Variants in CA8 observed in about 807,000 individuals in gnomAD.
The protein encoded by CA8 is carbonic anhydrase 8 (inactive).
Under a neutral mutation model 41.4 loss-of-function variants are expected in CA8, and 22 were observed. The observed-to-expected ratio is 0.53, with a 90% confidence interval of 0.38 to 0.76. The LOEUF (loss-of-function observed/expected upper bound fraction) is 0.76. CA8 is among the 30% of genes least tolerant of loss of function. CA8 has a pLI of 0.00. For missense variants in CA8, 270 were observed against 352.8 expected, an observed-to-expected ratio of 0.77 and a Z score of 1.88; for synonymous variants, 121 against 130.6, an observed-to-expected ratio of 0.93 and a Z score of 0.50.
chr8:60,265,780 T>C (rs1043726228), intron 3 of CA8, 145 bp downstream of exon 3: 11 of 890,334 alleles, frequency 1.2e-5, no homozygotes, highest in East Asian at 2.7e-5. Flanking sequence ...TAGGCTTCCA[T>C]TGCATTAAGC....
intron 3 of CA8, among the ~76,000 whole-genome samples, chr8:60,262,494 C>G (rs1037171193): frequency 6.6e-6 from 1 of 152,198 alleles, no homozygotes; most frequent in Non-Finnish European, 1.5e-5. Flanking sequence ...AATCAATAAT[C>G]TTCTACTCAC....
chr8:60,231,203 C>G (rs999809708), intron 4 of CA8, among the ~76,000 whole-genome samples: 46 of 152,102 alleles, frequency 3.0e-4, no homozygotes, highest in African/African-American at 1.1e-3. Flanking sequence ...TTATATAACG[C>G]CGTTATAAAA....
chr8:60,194,251 GTTC>G lies in CA8; in HGVS notation c.*36-4269_*36-4267del, dbSNP rs927468759. On this transcript the variant is annotated intron_variant, in intron 8 of 8. Coordinates refer to ENST00000317995, the MANE Select transcript of CA8 (RefSeq NM_004056.6). Reference sequence around the variant, plus strand: ...TCTGATTTGGGTTCTTTCATTTACAGTTCTTCTTCAAATATCTGTAACTGTTCA... The same window carrying G: ...TCTGATTTGGGTTCTTTCATTTACAGTTCTTCAAATATCTGTAACTGTTCA... Among the ~76,000 whole-genome samples, 3 of 152,022 alleles carry G rather than the reference GTTC, an allele frequency of 2.0e-5. No individual in the cohort carries two copies. In the East Asian group the frequency reaches 5.8e-4, roughly 29 times the overall value.
intron 7 of CA8, among the ~76,000 whole-genome samples, chr8:60,219,246 C>T (rs1807147018): frequency 6.6e-6 from 1 of 151,976 alleles, no homozygotes; most frequent in Non-Finnish European, 1.5e-5. Flanking sequence ...GCAACCTCCA[C>T]CACCCGGGTT....
At chr8:60,279,616 G>T in intron 2 of CA8, 73 bp downstream of exon 2, 1 of 1,291,206 alleles carries the variant, frequency 7.7e-7, no homozygotes, top group Non-Finnish European at 1.1e-6. Context: ...AATTGTGCAA[G>T]TTAAATCACA....
At chr8:60,224,961 T>TTCC (rs1807376457) in intron 5 of CA8, among the ~76,000 whole-genome samples, 2 of 151,844 alleles carry the variant, frequency 1.3e-5, no homozygotes, top group Non-Finnish European at 2.9e-5. Context: ...CAAAATGCCT[T>TTCC]TCCTCCTGCT....
rs964479000 is a variant in CA8 at position 60,208,797 on chromosome 8, A to C, written c.861T>G (p.Ala287=). Residue 287 remains alanine, a synonymous_variant, in exon 8 of 9, where the codon GCT becomes GCG. Transcript: ENST00000317995. The stretch of plus-strand genomic sequence containing the variant: ...CTGTCCTCTTTGGCTACTGAAATGC[A>C]GCTCTAATGACTCTGTCACTAAGAG... The part of the protein sequence containing the change: ...TQPLSDRVIR[A]AFQ 1 of 1,614,182 alleles carries C rather than the reference A, an allele frequency of 6.2e-7. No individual in the cohort carries two copies. Among genetic ancestry groups the C allele is most frequent in the Non-Finnish European group, 8.5e-7 (1 of 1,180,036 alleles).
chr8:60,255,935 T>A (rs1194918817), intron 3 of CA8, among the ~76,000 whole-genome samples: 1 of 146,094 alleles, frequency 6.8e-6, no homozygotes, highest in East Asian at 2.0e-4. Context: ...TGAAACAGAG[T>A]TTCGTTATTG....
intron 8 of CA8, among the ~76,000 whole-genome samples, chr8:60,202,555 T>G (rs1585846184): frequency 6.6e-6 from 1 of 152,152 alleles, no homozygotes; most frequent in African/African-American, 2.4e-5. Flanking sequence ...AGTATAAAAT[T>G]TAAAAACTAT....
At chr8:60,247,906 G>A (rs907292891) in intron 3 of CA8, among the ~76,000 whole-genome samples, 57 of 152,058 alleles carry the variant, frequency 3.7e-4, no homozygotes, top group Non-Finnish European at 5.7e-4. Flanking sequence ...CCACAGCCTC[G>A]CCAACATCTA....
intron 4 of CA8, among the ~76,000 whole-genome samples, chr8:60,229,911 G>A (rs1366377649): frequency 6.6e-6 from 1 of 152,070 alleles, no homozygotes; most frequent in Non-Finnish European, 1.5e-5. Flanking sequence ...GGATCAACAC[G>A]ACTTACCAGA....
At chr8:60,253,387 T>C (rs1402740787) in intron 3 of CA8, among the ~76,000 whole-genome samples, 1 of 152,174 alleles carries the variant, frequency 6.6e-6, no homozygotes, top group African/African-American at 2.4e-5. Flanking sequence ...TTCCAATAAT[T>C]TCATTCCAAT....
intron 8 of CA8, among the ~76,000 whole-genome samples, chr8:60,205,625 A>G (rs1375866905): frequency 6.6e-6 from 1 of 152,202 alleles, no homozygotes; most frequent in Admixed American, 6.5e-5. Context: ...GATGACTTAC[A>G]TACTAATTCT....
intron 3 of CA8, among the ~76,000 whole-genome samples, chr8:60,235,349 C>T (rs1807793518): frequency 6.6e-6 from 1 of 152,284 alleles, no homozygotes; most frequent in Middle Eastern, 3.4e-3. Context: ...TGGATTAGGG[C>T]ATGCCTAATG....
intron 8 of CA8, among the ~76,000 whole-genome samples, chr8:60,203,370 G>A (rs10216890): frequency 0.094 from 14,226 of 152,006 alleles, 1,487 homozygotes; most frequent in African/African-American, 0.26. Context: ...ACTCTTACAC[G>A]GTCTAATATG....
At chr8:60,208,638 T>G in intron 8 of CA8, 112 bp downstream of exon 8, 1 of 895,872 alleles carries the variant, frequency 1.1e-6, no homozygotes, top group East Asian at 2.5e-5. Flanking sequence ...TTTATCAAGA[T>G]GAAGTACATA....
chr8:60,227,966 T>C (rs1301718337), intron 4 of CA8, among the ~76,000 whole-genome samples: 1 of 152,204 alleles, frequency 6.6e-6, no homozygotes, highest in East Asian at 1.9e-4. Context: ...ATGGAGGTCA[T>C]TTAGAACCTC....
In CA8 at chr8:60,192,936, T is replaced by C. The variant is rs917717366; in HGVS notation, c.*36-2951A>G. On this transcript the variant is annotated intron_variant, in intron 8 of 8. Coordinates refer to ENST00000317995, the MANE Select transcript of CA8 (RefSeq NM_004056.6). Reference sequence around the variant, plus strand: ...ACCCTCTTTCCTCCTGTCAACATCATGCACACACACACACACACACACACA... The same window carrying C: ...ACCCTCTTTCCTCCTGTCAACATCACGCACACACACACACACACACACACA... 7.6e-4 allele frequency among the ~76,000 whole-genome samples: 47 copies of C among 61,864 alleles called. 1 individual carries two copies. The highest frequency in any genetic ancestry group is 2.5e-4 in the Non-Finnish European group (8 of 31,496). The allele number at this position is 61,864 out of a possible 152,430, so 40.6% of individuals were successfully genotyped here. A position where few individuals can be genotyped will look rare whatever the true frequency, so the allele number is the denominator to read the frequency against.
At chr8:60,265,789 G>T in intron 3 of CA8, 136 bp downstream of exon 3, 3 of 979,628 alleles carry the variant, frequency 3.1e-6, no homozygotes, top group South Asian at 1.5e-5. Flanking sequence ...ATTGCATTAA[G>T]CATTTTTTAA....
Sources: allele counts gnomAD v4.1 joint callset (sites outside exome capture counted in the v4.1 genomes callset), GRCh38; gene constraint gnomAD v4.1.1; transcripts MANE v1.5; gene names NCBI Gene and HGNC (gene_info 2026-07-23, HGNC 2026-07-21).